Variants in GSG1L2 observed in about 807,000 individuals in gnomAD.
The protein encoded by GSG1L2 is germ cell-specific gene 1-like protein 2.
A neutral mutation model predicts 9.0 loss-of-function variants in GSG1L2; 15 were observed. The observed-to-expected ratio is 1.67, with a 90% CI of 1.12 to 2.57. GSG1L2 has a LOEUF of 2.57. Among genes scored for constraint, GSG1L2 ranks in the 30% most tolerant of loss-of-function variants. The pLI is 0.00. For synonymous variants in GSG1L2, 127 were observed against 57.9 expected, an observed-to-expected ratio of 2.19 and a Z score of -5.41; for missense variants, 286 against 150.3, an observed-to-expected ratio of 1.90 and a Z score of -4.72.
At chr17:9,811,787 G>T (rs1400150092) in intron 1 of GSG1L2, among the ~76,000 whole-genome samples, 1 of 152,182 alleles carries the variant, frequency 6.6e-6, no homozygotes, top group African/African-American at 2.4e-5. Context: ...TAGAGCTCAG[G>T]GCTGCAGAGC....
chr17:9,803,088 T>C (rs923676226), intron 4 of GSG1L2, among the ~76,000 whole-genome samples: 2 of 149,966 alleles, frequency 1.3e-5, no homozygotes, highest in African/African-American at 2.5e-5. Flanking sequence ...GACAGTGGCA[T>C]TGGTGTCATT....
rs1419399024 is a variant in GSG1L2 at position 9,802,125 on chromosome 17, T to A, written c.*261A>T. On this transcript the variant is annotated 3_prime_UTR_variant, in exon 5 of 5. Transcript: ENST00000399363. ...GGTATCCTTATCAAATTCACTGTCA[T>A]TAAGAAGCTCTCTTTTATACTAGAG... 1.3e-5 allele frequency among the ~76,000 whole-genome samples: 2 copies of A among 152,236 alleles called. No homozygotes were observed. The highest frequency in any genetic ancestry group is 4.8e-5 in the African/African-American group (2 of 41,480).
At position 9,809,159 on chromosome 17, in the gene GSG1L2, C is replaced by T. The variant is rs1349806905; in HGVS notation, c.359-177G>A. The T allele has an allele frequency of 1.0e-5, 6 of 591,422 alleles. No individual in the cohort carries two copies. The East Asian group carries it at 1.7e-4, about 17-fold the overall frequency. 36.6% of individuals were successfully genotyped at this position (591,422 alleles called of 1,614,324 possible). On this transcript the variant is annotated intron_variant, in intron 2 of 4. Coordinates refer to ENST00000399363, the MANE Select transcript of GSG1L2 (RefSeq NM_001310219.2). ...GGCAATGGAAAGGCACTCCTCAGGGCTGAAAGAGACGGTTGTAGGGATTGC... is the reference window on the plus strand; with the variant it reads ...GGCAATGGAAAGGCACTCCTCAGGGTTGAAAGAGACGGTTGTAGGGATTGC...
rs2066497160 is a variant in GSG1L2, at chr17:9,801,634, A to G, written c.*752T>C. On this transcript the variant is annotated 3_prime_UTR_variant, in exon 5 of 5. Transcript: ENST00000399363. ...CAGATGACTGTATTAGGAATCCTGC[A>G]GCCCACCACTGCCTCCAACAAGACC... Among the ~76,000 whole-genome samples the G allele has an allele frequency of 6.6e-6, 1 of 152,246 alleles. No individual in the cohort carries two copies. The highest frequency in any genetic ancestry group is 1.5e-5 in the Non-Finnish European group (1 of 68,044).
chr17:9,816,407 T>TGTGTGTCTGTGTCTGTGTGTGTGC (rs1567711168), intron 1 of GSG1L2, among the ~76,000 whole-genome samples: 74 of 148,612 alleles, frequency 5.0e-4, no homozygotes, highest in African/African-American at 1.7e-3. Flanking sequence ...TGTGTGTGTG[T>TGTGTGTCTGTGTCTGTGTGTGTGC]GTGTGTGTCT....
In GSG1L2 at chr17:9,801,584, C is replaced by T. The variant is rs1191740479; in HGVS notation, c.*802G>A. ...TGGCCTGAATAACATGGTAGCTGGA[C>T]ATGGGATGAATTGATACAATATTGC... On this transcript the variant is annotated 3_prime_UTR_variant, in exon 5 of 5. Coordinates refer to ENST00000399363, the MANE Select transcript of GSG1L2 (RefSeq NM_001310219.2). 6.6e-6 allele frequency among the ~76,000 whole-genome samples: 1 copy of T among 152,154 alleles called. No individual in the cohort carries two copies. Among genetic ancestry groups the T allele is most frequent in the Non-Finnish European group, 1.5e-5 (1 of 68,026 alleles).
At chr17:9,809,366 A>T in intron 2 of GSG1L2, 1 of 297,928 alleles carries the variant, frequency 3.4e-6, no homozygotes, top group South Asian at 3.4e-5. Context: ...AGACCTTCGC[A>T]GTGAGTGTTA....
At chr17:9,802,690 C>A (rs950863325) in intron 4 of GSG1L2, 46 bp from the exon 5 acceptor site, 2 of 685,406 alleles carry the variant, frequency 2.9e-6, no homozygotes, top group African/African-American at 3.6e-5. Flanking sequence ...GGCTGTGATT[C>A]CAGGACTTCC....
chr17:9,809,334 C>T (rs1291329909), intron 2 of GSG1L2: 1 of 333,672 alleles, frequency 3.0e-6, no homozygotes, highest in Non-Finnish European at 5.7e-6. Context: ...CATGGTCTGG[C>T]TGACTTCAAG....
intron 2 of GSG1L2, chr17:9,810,111 C>A: frequency 5.6e-6 from 1 of 177,440 alleles, no homozygotes. Flanking sequence ...TAGACGTGAT[C>A]CATGCCTTCA....
At chr17:9,807,861 T>C (rs2066522068) in intron 3 of GSG1L2, 1 of 371,720 alleles carries the variant, frequency 2.7e-6, no homozygotes, top group Non-Finnish European at 5.1e-6. Flanking sequence ...CCTAAGAAGA[T>C]CAGAAATTGG....
At chr17:9,816,906 GTA>G (rs1491010288) in intron 1 of GSG1L2, among the ~76,000 whole-genome samples, 3 of 85,668 alleles carry the variant, frequency 3.5e-5, no homozygotes, top group Admixed American at 1.5e-4. Context: ...CTGTGTGTGT[GTA>G]TCTGTGTGTG....
At chr17:9,816,912 G>GTGTGTGTGTATC (rs1567711584) in intron 1 of GSG1L2, among the ~76,000 whole-genome samples, 9 of 41,414 alleles carry the variant, frequency 2.2e-4, no homozygotes, top group African/African-American at 8.5e-4. Context: ...GTGTGTATCT[G>GTGTGTGTGTATC]TGTGTGTGTG....
In GSG1L2 at chr17:9,807,540, A is replaced by G. The variant is rs553884807; in HGVS notation, c.573T>C (p.Leu191=). The G allele has an allele frequency of 4.6e-5, 32 of 703,158 alleles. 1 individual carries two copies. In the South Asian group the frequency reaches 4.6e-4, roughly 10 times the overall value. 43.6% of individuals were successfully genotyped at this position (703,158 alleles called of 1,614,324 possible). The change falls in exon 4 of 5, where the codon CTT becomes CTC. Residue 191 remains leucine (L), a synonymous_variant. Coordinates refer to ENST00000399363, the MANE Select transcript of GSG1L2 (RefSeq NM_001310219.2). Reference sequence around the variant, plus strand: ...TCTGAGGCTTCCAATCTTCTGGTCCAAGGTTCACAGTGATTTGAAAAATGG... The same window carrying G: ...TCTGAGGCTTCCAATCTTCTGGTCCGAGGTTCACAGTGATTTGAAAAATGG... ...YTTIFQITVN[L]GPEDWKPQTW...
At position 9,808,995 on chromosome 17, in the gene GSG1L2, G is replaced by A. The variant is rs770063479; in HGVS notation, c.359-13C>T. The A allele has an allele frequency of 1.7e-5, 12 of 702,776 alleles. No individual in the cohort carries two copies. Among genetic ancestry groups the A allele is most frequent in the Admixed American group, 8.0e-5 (4 of 49,990 alleles). The allele number at this position is 702,776 out of a possible 1,614,324, so 43.5% of individuals were successfully genotyped here. On this transcript the variant is annotated splice_polypyrimidine_tract_variant and intron_variant, in intron 2 of 4. Transcript: ENST00000399363. ...AGCCACAAAACACCTGCCAAAGAAC[G>A]GGATGTTGGAAACGCTGGACACTTC...
chr17:9,815,914 ATTAATCCATTCAT>A (rs1352889412), intron 1 of GSG1L2, among the ~76,000 whole-genome samples: 1 of 152,132 alleles, frequency 6.6e-6, no homozygotes, highest in East Asian at 1.9e-4. Flanking sequence ...TCGTGAATGG[ATTAATCCATTCAT>A]GAATTAATGG....
rs918459122 is a variant in GSG1L2 at position 9,802,473 on chromosome 17, T to G, written c.795A>C (p.Gly265=). 2 of 702,484 alleles carry G rather than the reference T, an allele frequency of 2.8e-6. No homozygotes were observed. The highest frequency in any genetic ancestry group is 3.5e-5 in the African/African-American group (2 of 57,154). The allele number at this position is 702,484 out of a possible 1,614,324, so 43.5% of individuals were successfully genotyped here. Residue 265 remains glycine, a synonymous_variant, in exon 5 of 5, where the codon GGA becomes GGC. Coordinates refer to ENST00000399363, the MANE Select transcript of GSG1L2 (RefSeq NM_001310219.2). ...CTTGTTCAGCAGGGCAAGGAGCAGC[T>G]CCTGTTTTCCAAATGCTCTCCGAAG... ...PEASESIWKT[G]AAPCPAEQAF...
intron 1 of GSG1L2, among the ~76,000 whole-genome samples, chr17:9,816,801 ATGTG>A (rs754023379): frequency 2.3e-5 from 3 of 132,346 alleles, no homozygotes; most frequent in Non-Finnish European, 4.7e-5. Flanking sequence ...GTATCTGTGT[ATGTG>A]TGTCTGTTGT....
chr17:9,814,298 C>G (rs1264325888), intron 1 of GSG1L2, among the ~76,000 whole-genome samples: 1 of 152,288 alleles, frequency 6.6e-6, no homozygotes, highest in South Asian at 2.1e-4. Flanking sequence ...TTTTATGGAC[C>G]TGGAGGAGAC....
Sources: gnomAD v4.1 joint callset for allele counts (sites outside exome capture counted in the v4.1 genomes callset) on GRCh38, gnomAD v4.1.1 for gene constraint, MANE v1.5 for transcripts, NCBI Gene and HGNC (gene_info 2026-07-23, HGNC 2026-07-21) for gene names.